The following COL20A1 variants were observed in gnomAD, a reference collection of about 807,000 sequenced individuals.
COL20A1 encodes collagen type XX alpha 1 chain.
A neutral mutation model predicts 152.9 loss-of-function variants in COL20A1; 164 were observed. The observed-to-expected ratio is 1.07, with a 90% CI of 0.94 to 1.22. The LOEUF is 1.22. Ranked by LOEUF, COL20A1 falls within the 50% of genes most tolerant of loss-of-function variation. COL20A1 has a pLI of 0.00. For missense variants in COL20A1, 1,873 were observed against 1,744.8 expected, an observed-to-expected ratio of 1.07 and a Z score of -1.31; for synonymous variants, 864 against 756.0, an observed-to-expected ratio of 1.14 and a Z score of -2.34.
chr20:63,294,261 C>T (rs575053867), intron 1 of COL20A1, among the ~76,000 whole-genome samples: 3 of 139,536 alleles, frequency 2.1e-5, no homozygotes, highest in East Asian at 2.2e-4. Flanking sequence ...ATTTCTTCTT[C>T]AGCCCTGGGC....
intron 20 of COL20A1, 78 bp from the exon 21 acceptor site, chr20:63,316,475 C>A: frequency 3.7e-6 from 4 of 1,071,000 alleles, no homozygotes; most frequent in Non-Finnish European, 5.0e-6. Context: ...CCTCTTGAGT[C>A]CCCGCTCCTG....
Position 63,319,028 on chromosome 20 carries a change from A to G in COL20A1, c.2664-30A>G. On this transcript the variant is annotated intron_variant, in intron 21 of 35. Transcript: ENST00000358894. The surrounding 1 kb of genome is among the most constrained non-coding windows in gnomAD (Gnocchi z 4.4). The stretch of plus-strand genomic sequence containing the variant: ...GGTTTGGCTGCCCTTGGGTCTGCTC[A>G]TGTGCCTCTCCCTCCCCCAACCCCC... The G allele has an allele frequency of 3.2e-6, 5 of 1,583,534 alleles. No individual in the cohort carries two copies. Among genetic ancestry groups the G allele is most frequent in the Non-Finnish European group, 4.3e-6 (5 of 1,154,188 alleles).
At chr20:63,321,576 C>T (rs1476880283) in intron 26 of COL20A1, among the ~76,000 whole-genome samples, 1 of 152,236 alleles carries the variant, frequency 6.6e-6, no homozygotes, top group Non-Finnish European at 1.5e-5. Context: ...GTCCTGGGTG[C>T]TGGCAGCCTA....
intron 27 of COL20A1, chr20:63,324,904 C>A (rs527490687): frequency 9.0e-6 from 2 of 221,392 alleles, no homozygotes; most frequent in South Asian, 1.0e-4. Flanking sequence ...TCTGTCTCTT[C>A]CATACAGTTG....
At chr20:63,303,708 C>T (rs756319554) in intron 3 of COL20A1, among the ~76,000 whole-genome samples, 5 of 152,164 alleles carry the variant, frequency 3.3e-5, no homozygotes, top group African/African-American at 7.2e-5. Context: ...CTCCCTGGCG[C>T]GGGGCTGGGT....
rs1206894542 is a variant in COL20A1 at position 63,325,477 on chromosome 20, G to A, written c.3331G>A (p.Gly1111Arg). ...GGTCAAAGGAGAGAAGGGAGACCAT[G>A]GGCTTCCAGGCTTGCAGGTAGTGTG... ...PGVKGEKGDH[G>R]LPGLQGHPGH... The change falls in exon 28 of 36, where the codon GGG (glycine) becomes AGG (arginine). Residue 1111 changes from glycine to arginine, a missense_variant. Transcript: ENST00000358894. 2 of 1,612,926 alleles carry A rather than the reference G, an allele frequency of 1.2e-6. No homozygotes were observed. Among genetic ancestry groups the A allele is most frequent in the Non-Finnish European group, 1.7e-6 (2 of 1,179,614 alleles).
chr20:63,325,571 TG>T lies in COL20A1; in HGVS notation c.3348+83del. The T allele has an allele frequency of 2.7e-6, 4 of 1,470,356 alleles. No individual in the cohort carries two copies. In the South Asian group the frequency reaches 3.5e-5, roughly 13 times the overall value. The allele number at this position is 1,470,356 out of a possible 1,614,324, so 91.1% of individuals were successfully genotyped here. ...GACAGGGATGGAGATGGGGAGTGCC[TG>T]GGGGGCACAGGGGTTGGGGGTGAGG... On this transcript the variant is annotated intron_variant, in intron 28 of 35. Transcript: ENST00000358894.
At chr20:63,308,982 G>A (rs1447888000) in intron 8 of COL20A1, among the ~76,000 whole-genome samples, 4 of 152,084 alleles carry the variant, frequency 2.6e-5, no homozygotes, top group African/African-American at 9.7e-5. Context: ...TCACTGAGCA[G>A]CTCCAGCTGC....
At position 63,309,925 on chromosome 20, in the gene COL20A1, C is replaced by T. The variant is rs1414184360; in HGVS notation, c.1263+10C>T. 6.3e-7 allele frequency: 1 copy of T among 1,590,890 alleles called. No individual in the cohort carries two copies. Among genetic ancestry groups the T allele is most frequent in the Admixed American group, 1.7e-5 (1 of 57,914 alleles). ...TGGCACCCCCAGGGAGGTGAGGGGGCCGGTATACAGGGCTCCCCGAGCCGG... is the reference window on the plus strand; with the variant it reads ...TGGCACCCCCAGGGAGGTGAGGGGGTCGGTATACAGGGCTCCCCGAGCCGG... On this transcript the variant is annotated intron_variant, in intron 10 of 35. Transcript: ENST00000358894.
intron 20 of COL20A1, 75 bp from the exon 21 acceptor site, chr20:63,316,478 C>G: frequency 7.5e-7 from 1 of 1,336,214 alleles, no homozygotes; most frequent in Non-Finnish European, 1.0e-6. Context: ...CTTGAGTCCC[C>G]GCTCCTGCCC....
In COL20A1 at chr20:63,305,852, C is replaced by T; in HGVS notation, c.338-29C>T. ...CAGTGGACCAGGCCCTCCACTCCCACCCTGATGGCTCTTTGTGTCTCCCTG... is the reference window on the plus strand; with the variant it reads ...CAGTGGACCAGGCCCTCCACTCCCATCCTGATGGCTCTTTGTGTCTCCCTG... On this transcript the variant is annotated intron_variant, in intron 4 of 35. Coordinates refer to ENST00000358894, the MANE Select transcript of COL20A1 (RefSeq NM_020882.4). This position sits in a 1 kb window ranked among gnomAD's most constrained non-coding sequence, Gnocchi z 4.9. The T allele has an allele frequency of 2.5e-6, 4 of 1,611,702 alleles. No homozygotes were observed. The highest frequency in any genetic ancestry group is 3.4e-6 in the Non-Finnish European group (4 of 1,178,864).
intron 35 of COL20A1, among the ~76,000 whole-genome samples, 175 bp downstream of exon 35, chr20:63,329,836 C>T (rs1304851940): frequency 2.0e-5 from 3 of 152,226 alleles, no homozygotes; most frequent in Admixed American, 1.3e-4. Flanking sequence ...CTATGGACCC[C>T]GTAGGGGCAA....
rs746683676 is a variant in COL20A1, at chr20:63,328,081, C to T, written c.3567C>T (p.Gly1189=). ...AGCTGCACCACCTTCCCTTCCAGGG[C>T]GAGCCGCAGTCCCTTGCCACCCTCT... ...PGPKGERGEK[G]EPQSLATLYQ... is the part of the protein sequence containing the mutation. Residue 1189 remains glycine (G), a splice_region_variant and synonymous_variant, in exon 33 of 36, where the codon GGC becomes GGT. Transcript: ENST00000358894. The T allele has an allele frequency of 1.4e-5, 22 of 1,612,810 alleles. No homozygotes were observed. Among genetic ancestry groups the T allele is most frequent in the African/African-American group, 5.3e-5 (4 of 74,902 alleles).
intron 31 of COL20A1, chr20:63,327,612 C>A (rs972404711): frequency 5.9e-6 from 2 of 341,730 alleles, no homozygotes; most frequent in East Asian, 1.2e-4. Context: ...ACAGGCCTGA[C>A]CCGGGCCCGG....
Position 63,319,041 on chromosome 20 carries a change from TCCCCCAA to T in COL20A1, c.2664-10_2664-4del. The T allele has an allele frequency of 6.4e-7, 1 of 1,564,772 alleles. No individual in the cohort carries two copies. ...TTGGGTCTGCTCATGTGCCTCTCCCTCCCCCAACCCCCACAGTGACGTCTACCCAGCC... is the reference window on the plus strand; with the variant it reads ...TTGGGTCTGCTCATGTGCCTCTCCCTCCCCCACAGTGACGTCTACCCAGCC... On this transcript the variant is annotated splice_polypyrimidine_tract_variant and intron_variant, in intron 21 of 35. Transcript: ENST00000358894. The surrounding 1 kb of genome is among the most constrained non-coding windows in gnomAD (Gnocchi z 4.4).
Position 63,333,928 on chromosome 20 carries a change from G to A in COL20A1, c.*3212G>A, listed in dbSNP as rs890933945. 2 of 152,300 alleles carry A rather than the reference G, an allele frequency of 1.3e-5. No individual in the cohort carries two copies. The highest frequency in any genetic ancestry group is 2.9e-5 in the Non-Finnish European group (2 of 68,084). 9.4% of individuals were successfully genotyped at this position (152,300 alleles called of 1,614,324 possible). A position where few individuals can be genotyped will look rare whatever the true frequency, so the allele number is the denominator to read the frequency against. ...GCTGGGACACGTGGACTCACACCAG[G>A]GCAGATGGTGGGGGAAGCCAGTGTC... is the stretch of plus-strand genomic sequence containing the variant. On this transcript the variant is annotated 3_prime_UTR_variant, in exon 36 of 36. Coordinates refer to ENST00000358894, the MANE Select transcript of COL20A1 (RefSeq NM_020882.4).
rs760547645 is a variant in COL20A1, at chr20:63,320,059, C to A, written c.2937C>A (p.Arg979=). 1.3e-6 allele frequency: 2 copies of A among 1,555,180 alleles called. No homozygotes were observed. Among genetic ancestry groups the A allele is most frequent in the South Asian group, 1.2e-5 (1 of 84,400 alleles). The stretch of plus-strand genomic sequence containing the variant: ...CACAGGTGCACGTGGCTGTGGGCCG[C>A]TCCAAGGTCAGGCTCTATGTGGACT... The part of the protein sequence containing the change: ...SFHKVHVAVG[R]SKVRLYVDCR... The change falls in exon 24 of 36, where the codon CGC becomes CGA. Residue 979 remains arginine (R), a synonymous_variant. Coordinates refer to ENST00000358894, the MANE Select transcript of COL20A1 (RefSeq NM_020882.4).
At chr20:63,298,422 C>T (rs977773519) in intron 3 of COL20A1, among the ~76,000 whole-genome samples, 1 of 152,082 alleles carries the variant, frequency 6.6e-6, no homozygotes, top group Admixed American at 6.5e-5. Flanking sequence ...TCCTGTGTAG[C>T]TGGGAGTACA....
chr20:63,320,968 C>T, intron 25 of COL20A1, 45 bp from the exon 26 acceptor site: 2 of 1,427,290 alleles, frequency 1.4e-6, no homozygotes, highest in Non-Finnish European at 1.9e-6. Context: ...CAGGCAAGAG[C>T]CAGGGAGAGG....
Sources: allele counts gnomAD v4.1 joint callset (sites outside exome capture counted in the v4.1 genomes callset), GRCh38; gene constraint gnomAD v4.1.1; non-coding constraint Gnocchi (gnomAD v3.1); transcripts MANE v1.5; gene names NCBI Gene and HGNC (gene_info 2026-07-23, HGNC 2026-07-21).